LRP5: variants seen among roughly 807,000 people sequenced by gnomAD.
LRP5 encodes the protein LDL receptor related protein 5.
In LRP5, 62 loss-of-function variants were observed where a neutral mutation model predicts 154.1. The observed-to-expected ratio is 0.40, with a 90% CI of 0.33 to 0.50. The LOEUF (loss-of-function observed/expected upper bound fraction) is 0.50, where lower values mean the gene tolerates loss of function less well. LRP5 is among the 20% of genes least tolerant of loss of function. The pLI is 0.55. For synonymous variants in LRP5, 966 were observed against 1,011.5 expected, an observed-to-expected ratio of 0.96 and a Z score of 0.85; for missense variants, 1,915 against 2,336.7, an observed-to-expected ratio of 0.82 and a Z score of 3.72.
At chr11:68,443,107 C>T (rs2098679029) in intron 21 of LRP5, among the ~76,000 whole-genome samples, 1 of 152,150 alleles carries the variant, frequency 6.6e-6, no homozygotes, top group Admixed American at 6.5e-5. Flanking sequence ...CCCTGGCACC[C>T]TTTCTCTCCA....
At chr11:68,407,487 C>T (rs1193480543) in intron 9 of LRP5, among the ~76,000 whole-genome samples, 1 of 150,588 alleles carries the variant, frequency 6.6e-6, no homozygotes, top group East Asian at 2.0e-4. Context: ...AAACTTTTTG[C>T]CTTCTAAAGA....
At chr11:68,316,005 T>C (rs2098593141) in intron 1 of LRP5, among the ~76,000 whole-genome samples, 1 of 151,978 alleles carries the variant, frequency 6.6e-6, no homozygotes, top group Admixed American at 6.5e-5. Flanking sequence ...ATTTGGTACA[T>C]TCACAGTGTT....
At chr11:68,325,650 G>T (rs566320765) in intron 1 of LRP5, among the ~76,000 whole-genome samples, 4 of 152,352 alleles carry the variant, frequency 2.6e-5, no homozygotes, top group African/African-American at 9.6e-5. Context: ...AGCTGCAGGT[G>T]CAGGGTCGGG....
chr11:68,359,384 T>G (rs1434050176), intron 3 of LRP5, among the ~76,000 whole-genome samples: 1 of 152,028 alleles, frequency 6.6e-6, no homozygotes, highest in Non-Finnish European at 1.5e-5. Flanking sequence ...GACCAGCGGG[T>G]CTGGTTTGAG....
At position 68,348,026 on chromosome 11, in the gene LRP5, T is replaced by C. The variant is rs1213838692; in HGVS notation, c.271T>C (p.Tyr91His). ...GAGCGAGGAGGCCATCAAGCAGACCTACCTGAACCAGACGGGGGCCGCCGT... is the reference window on the plus strand; with the variant it reads ...GAGCGAGGAGGCCATCAAGCAGACCCACCTGAACCAGACGGGGGCCGCCGT... ...DVSEEAIKQT[Y>H]LNQTGAAVQN... is the part of the protein sequence containing the mutation. The change falls in exon 2 of 23, where the codon TAC (tyrosine) becomes CAC (histidine). Residue 91 changes from tyrosine to histidine, a missense_variant. Around this residue, in one of 3 missense-constraint regions of LRP5, gnomAD observed 773 missense variants for 1,100.9 expected, o/e 0.70. Coordinates refer to ENST00000294304, the MANE Select transcript of LRP5 (RefSeq NM_002335.4). The C allele has an allele frequency of 2.5e-6, 4 of 1,614,136 alleles. No homozygotes were observed. Among genetic ancestry groups the C allele is most frequent in the East Asian group, 4.5e-5 (2 of 44,876 alleles).
chr11:68,372,708 C>T (rs558557324), intron 5 of LRP5, among the ~76,000 whole-genome samples: 38 of 152,138 alleles, frequency 2.5e-4, no homozygotes, highest in South Asian at 6.2e-4. Flanking sequence ...GGGTCAGTGC[C>T]GAGGGAGCGA....
chr11:68,445,772 G>C, intron 21 of LRP5: 2 of 793,518 alleles, frequency 2.5e-6, no homozygotes, highest in Non-Finnish European at 1.8e-6. Flanking sequence ...CTGGACCTGG[G>C]GGGCACGTTC....
intron 5 of LRP5, among the ~76,000 whole-genome samples, chr11:68,378,729 T>C (rs1385854456): frequency 6.6e-6 from 1 of 152,212 alleles, no homozygotes; most frequent in Non-Finnish European, 1.5e-5. Flanking sequence ...ACCTTTTTTC[T>C]GTTTACGGAT....
chr11:68,369,946 TC>T (rs2098633137), intron 5 of LRP5, among the ~76,000 whole-genome samples: 1 of 152,150 alleles, frequency 6.6e-6, no homozygotes, highest in African/African-American at 2.4e-5. Context: ...ATGTCCACTG[TC>T]CATGCCCTTA....
Position 68,380,415 on chromosome 11 carries a change from G to T in LRP5, c.1016-5901G>T, listed in dbSNP as rs796839708. Among the ~76,000 whole-genome samples, 22 of 152,316 alleles carry T rather than the reference G, an allele frequency of 1.4e-4. 1 individual carries two copies. The highest frequency in any genetic ancestry group is 5.3e-4 in the African/African-American group (22 of 41,576). ...GCTGAGGAGGCGGGAAGGAGACCGT[G>T]CAGGCCGCAGCACCGAAAATATTTG... On this transcript the variant is annotated intron_variant, in intron 5 of 22. Transcript: ENST00000294304.
chr11:68,320,616 C>G (rs1229140706), intron 1 of LRP5, among the ~76,000 whole-genome samples: 1 of 152,124 alleles, frequency 6.6e-6, no homozygotes, highest in Non-Finnish European at 1.5e-5. Flanking sequence ...CATGCGCCAC[C>G]ACGCCTGGCT....
intron 7 of LRP5, among the ~76,000 whole-genome samples, chr11:68,391,532 G>A (rs1482688100): frequency 6.6e-6 from 1 of 152,214 alleles, no homozygotes; most frequent in Admixed American, 6.5e-5. Context: ...TGGAGAACAC[G>A]AGTGTGTGTC....
intron 13 of LRP5, among the ~76,000 whole-genome samples, chr11:68,419,018 C>G (rs960521186): frequency 6.6e-6 from 1 of 152,098 alleles, no homozygotes; most frequent in Non-Finnish European, 1.5e-5. Context: ...GGAAAATGTG[C>G]TTTTCCCCTC....
At chr11:68,422,536 G>A (rs982398589) in intron 13 of LRP5, among the ~76,000 whole-genome samples, 3 of 152,148 alleles carry the variant, frequency 2.0e-5, no homozygotes, top group Admixed American at 6.5e-5. Flanking sequence ...AGAGCCCTTC[G>A]AAGGGATGCT....
At chr11:68,374,383 G>A (rs891034848) in intron 5 of LRP5, among the ~76,000 whole-genome samples, 6 of 152,212 alleles carry the variant, frequency 3.9e-5, no homozygotes, top group Admixed American at 2.6e-4. Context: ...TGCCGCGGCC[G>A]GGCAGTGATT....
At chr11:68,391,079 C>T (rs2098646057) in intron 7 of LRP5, among the ~76,000 whole-genome samples, 1 of 152,204 alleles carries the variant, frequency 6.6e-6, no homozygotes, top group African/African-American at 2.4e-5. Flanking sequence ...TGCCATTCTC[C>T]TGCCTCAGCC....
chr11:68,357,949 T>C, intron 3 of LRP5, 102 bp downstream of exon 3: 3 of 1,143,944 alleles, frequency 2.6e-6, no homozygotes, highest in Non-Finnish European at 1.3e-6. Flanking sequence ...TCTCTGAAAC[T>C]CTGGGGCCCT....
chr11:68,449,181 A>G lies in LRP5; in HGVS notation c.*111A>G. 1.1e-6 allele frequency: 1 copy of G among 949,548 alleles called. No individual in the cohort carries two copies. Among genetic ancestry groups the G allele is most frequent in the South Asian group, 2.3e-5 (1 of 43,204 alleles). The allele number at this position is 949,548 out of a possible 1,614,324, so 58.8% of individuals were successfully genotyped here. On this transcript the variant is annotated 3_prime_UTR_variant, in exon 23 of 23. Transcript: ENST00000294304. Reference sequence around the variant, plus strand: ...AAAATAAATATAATTGGGATTTTAAAAACATGAGAAATGTGAACTGTGATG... The same window carrying G: ...AAAATAAATATAATTGGGATTTTAAGAACATGAGAAATGTGAACTGTGATG...
At chr11:68,440,943 T>C (rs1488645913) in intron 21 of LRP5, among the ~76,000 whole-genome samples, 1 of 152,120 alleles carries the variant, frequency 6.6e-6, no homozygotes, top group Non-Finnish European at 1.5e-5. Flanking sequence ...TAATTTTGTA[T>C]TTTTAGTAGA....
Sources: gnomAD v4.1 joint callset for allele counts (sites outside exome capture counted in the v4.1 genomes callset) on GRCh38, gnomAD v4.1.1 for gene constraint, gnomAD v4.1.1 regional missense constraint, MANE v1.5 for transcripts, NCBI Gene and HGNC (gene_info 2026-07-23, HGNC 2026-07-21) for gene names.